TRAPPC12: variants seen among roughly 807,000 people sequenced by gnomAD.
TRAPPC12 encodes TPR repeat protein 15.
A neutral mutation model predicts 69.2 loss-of-function variants in TRAPPC12; 61 were observed. That is an observed-to-expected ratio of 0.88 (90% CI 0.72 to 1.09). TRAPPC12 has a LOEUF of 1.09. Among genes scored for constraint, TRAPPC12 ranks in the 50% least tolerant of loss-of-function variants. The pLI, the probability that TRAPPC12 is intolerant of heterozygous loss-of-function variation, is 0.00. For synonymous variants in TRAPPC12, 469 were observed against 438.9 expected (o/e 1.07, Z -0.86); for missense variants, 1,101 against 1,016.4 (o/e 1.08, Z -1.13).
chr2:3,403,898 G>A (rs549404315), intron 3 of TRAPPC12, among the ~76,000 whole-genome samples: 1 of 152,342 alleles, frequency 6.6e-6, no homozygotes, highest in Admixed American at 6.5e-5. Context: ...ATGTTTGTGA[G>A]GCTGAAATCC....
intron 5 of TRAPPC12, among the ~76,000 whole-genome samples, chr2:3,443,546 TGTG>T (rs1300690320): frequency 6.6e-6 from 1 of 152,244 alleles, no homozygotes. Flanking sequence ...CTTTGGAAAT[TGTG>T]GTGTCATCCA....
intron 4 of TRAPPC12, 83 bp from the exon 5 acceptor site, chr2:3,424,442 C>G: frequency 7.9e-7 from 1 of 1,265,958 alleles, no homozygotes; most frequent in South Asian, 1.4e-5. Context: ...AAATTAACCT[C>G]TAACACCAAC....
chr2:3,440,601 T>G (rs1395300120), intron 5 of TRAPPC12, among the ~76,000 whole-genome samples: 1 of 152,198 alleles, frequency 6.6e-6, no homozygotes, highest in Non-Finnish European at 1.5e-5. Flanking sequence ...TCTTTATAAT[T>G]ATGTCATTGC....
chr2:3,453,021 G>A (rs548876425), intron 6 of TRAPPC12, among the ~76,000 whole-genome samples: 1 of 152,312 alleles, frequency 6.6e-6, no homozygotes, highest in Admixed American at 6.5e-5. Flanking sequence ...CTGAAGGTAC[G>A]CTGAAGGTCA....
intron 2 of TRAPPC12, among the ~76,000 whole-genome samples, chr2:3,394,344 C>T (rs1479845704): frequency 6.6e-6 from 1 of 152,056 alleles, no homozygotes; most frequent in African/African-American, 2.4e-5. Context: ...AGGGGAGGGC[C>T]GGGCATGGTG....
intron 2 of TRAPPC12, among the ~76,000 whole-genome samples, chr2:3,394,219 T>C (rs1237405714): frequency 2.0e-5 from 3 of 152,156 alleles, no homozygotes; most frequent in Non-Finnish European, 4.4e-5. Flanking sequence ...TCCACTCACA[T>C]CCCACTACCT....
intron 6 of TRAPPC12, chr2:3,455,903 T>C (rs1450051729): frequency 6.6e-6 from 1 of 152,178 alleles, no homozygotes; most frequent in Non-Finnish European, 1.5e-5. Flanking sequence ...GGTAGCTCTA[T>C]TTTTTGTTTT....
At chr2:3,427,285 T>A (rs1295125740) in intron 5 of TRAPPC12, among the ~76,000 whole-genome samples, 1 of 152,198 alleles carries the variant, frequency 6.6e-6, no homozygotes. Context: ...GGGAGGGGGC[T>A]GGACCCAGGT....
intron 5 of TRAPPC12, among the ~76,000 whole-genome samples, chr2:3,429,863 A>G (rs1309403926): frequency 6.6e-6 from 1 of 152,176 alleles, no homozygotes; most frequent in Non-Finnish European, 1.5e-5. Flanking sequence ...ATATTTTTTC[A>G]TATTTGCCTT....
At chr2:3,421,666 G>A (rs1465899175) in intron 3 of TRAPPC12, 9 of 713,656 alleles carry the variant, frequency 1.3e-5, no homozygotes, top group Admixed American at 6.0e-5. Context: ...TGTACCTCAC[G>A]CTTGGCTCTC....
intron 6 of TRAPPC12, among the ~76,000 whole-genome samples, chr2:3,449,651 C>A (rs1168698051): frequency 1.3e-5 from 2 of 152,164 alleles, no homozygotes; most frequent in Non-Finnish European, 2.9e-5. Context: ...GTTTTGCTGT[C>A]TTATTTGTTA....
intron 3 of TRAPPC12, among the ~76,000 whole-genome samples, chr2:3,417,126 G>T (rs558530109): frequency 6.6e-6 from 1 of 152,112 alleles, no homozygotes; most frequent in Non-Finnish European, 1.5e-5. Flanking sequence ...CACTTTTCAC[G>T]TGACTGTTCC....
chr2:3,448,283 G>C (rs1664627049), intron 6 of TRAPPC12, among the ~76,000 whole-genome samples: 1 of 152,302 alleles, frequency 6.6e-6, no homozygotes, highest in Non-Finnish European at 1.5e-5. Flanking sequence ...CCACTCTGCG[G>C]TTCTCTGTGA....
chr2:3,475,919 C>A (rs978023441), intron 9 of TRAPPC12, among the ~76,000 whole-genome samples: 1 of 152,246 alleles, frequency 6.6e-6, no homozygotes, highest in African/African-American at 2.4e-5. Context: ...TAATCTTGAT[C>A]GGTCTTGATG....
At chr2:3,465,479 C>T (rs1362091146) in intron 8 of TRAPPC12, 118 bp from the exon 9 acceptor site, 4 of 704,702 alleles carry the variant, frequency 5.7e-6, no homozygotes, top group Non-Finnish European at 9.7e-6. Context: ...CCCGCCAGCT[C>T]CTGCGTCAGC....
At position 3,460,364 on chromosome 2, in the gene TRAPPC12, A is replaced by T. The variant is rs201250086; in HGVS notation, c.1677+28A>T. The T allele has an allele frequency of 1.6e-3, 1,380 of 864,674 alleles. 7 individuals carry two copies. Among genetic ancestry groups the T allele is most frequent in the Non-Finnish European group, 1.5e-3 (740 of 496,458 alleles). 53.6% of individuals were successfully genotyped at this position (864,674 alleles called of 1,614,324 possible). On this transcript the variant is annotated intron_variant, in intron 8 of 11. Transcript: ENST00000324266. ...ACGTGGGTGGCCAAGCAGGGCTGCC[A>T]TGTGATCTGGAAGAGCGGGGTCAGT...
intron 6 of TRAPPC12, among the ~76,000 whole-genome samples, chr2:3,451,277 A>G (rs774274346): frequency 3.9e-4 from 60 of 152,158 alleles, no homozygotes; most frequent in Non-Finnish European, 7.5e-4. Context: ...TCATCCCTGG[A>G]CCGGCCATGA....
Position 3,465,857 on chromosome 2 carries a change from T to G in TRAPPC12, c.1776+162T>G, listed in dbSNP as rs982085985. On this transcript the variant is annotated intron_variant, in intron 9 of 11. Transcript: ENST00000324266. Reference sequence around the variant, plus strand: ...GAAAAGGGTGGGTTCTTTCCAGGAGTTCTGGTTTGACTGTGGGAGGCCCTG... The same window carrying G: ...GAAAAGGGTGGGTTCTTTCCAGGAGGTCTGGTTTGACTGTGGGAGGCCCTG... 9.6e-6 allele frequency: 6 copies of G among 622,592 alleles called. No individual in the cohort carries two copies. The African/African-American group carries it at 1.1e-4, about 11-fold the overall frequency. 38.6% of individuals were successfully genotyped at this position (622,592 alleles called of 1,614,324 possible).
chr2:3,463,659 A>G (rs1416089002), intron 8 of TRAPPC12, among the ~76,000 whole-genome samples: 1 of 151,442 alleles, frequency 6.6e-6, no homozygotes, highest in Non-Finnish European at 1.5e-5. Flanking sequence ...GCCCACTAGC[A>G]GTGAGTGCTG....
Sources: gnomAD v4.1 joint callset for allele counts (sites outside exome capture counted in the v4.1 genomes callset) on GRCh38, gnomAD v4.1.1 for gene constraint, MANE v1.5 for transcripts, NCBI Gene and HGNC (gene_info 2026-07-23, HGNC 2026-07-21) for gene names.